TRPC5: variants seen among roughly 807,000 people sequenced by gnomAD.
TRPC5 encodes the protein transient receptor potential cation channel subfamily C member 5.
TRPC5 carries 9 observed loss-of-function variants against 56.5 expected under a neutral mutation model. The ratio of observed to expected loss-of-function variants is 0.16; its 90% confidence interval spans 0.10 to 0.28. The LOEUF is 0.28. TRPC5 is among the 10% of genes least tolerant of loss of function. The probability of loss-of-function intolerance (pLI) is 1.00; values close to 1 mark genes in which losing one functional copy is unlikely to be tolerated. For missense variants in TRPC5, 469 were observed against 748.9 expected (o/e 0.63, Z 4.36); for synonymous variants, 282 against 278.5 (o/e 1.01, Z -0.13).
chrX:111,822,437 C>T (rs1036196981), intron 7 of TRPC5, among the ~76,000 whole-genome samples: 17 of 112,145 alleles, frequency 1.5e-4, no homozygotes, highest in African/African-American at 5.5e-4. Context: ...TGTATGTTTG[C>T]TAATATATGC....
At chrX:111,823,054 A>G (rs760713886) in intron 7 of TRPC5, among the ~76,000 whole-genome samples, 1 of 112,352 alleles carries the variant, frequency 8.9e-6, no homozygotes, top group South Asian at 3.7e-4. Flanking sequence ...CACCAAAATC[A>G]TTAGCAGGTA....
At chrX:111,791,884 T>C (rs954638283) in intron 7 of TRPC5, among the ~76,000 whole-genome samples, 5 of 112,433 alleles carry the variant, frequency 4.4e-5, no homozygotes, top group Admixed American at 9.4e-5. Context: ...TTCAACCCTG[T>C]GGAAGACAGT....
intron 7 of TRPC5, among the ~76,000 whole-genome samples, chrX:111,831,551 G>T (rs1922407613): frequency 8.9e-6 from 1 of 112,020 alleles, no homozygotes; most frequent in African/African-American, 3.2e-5. Context: ...CAGTGGAAGA[G>T]TCCATTCATC....
intron 3 of TRPC5, among the ~76,000 whole-genome samples, chrX:111,906,668 A>G (rs1169914339): frequency 1.4e-5 from 1 of 71,405 alleles, no homozygotes; most frequent in Non-Finnish European, 3.2e-5. Context: ...TTGAAACTTA[A>G]GATGTGAATT....
At chrX:111,865,538 G>A (rs1200168122) in intron 3 of TRPC5, among the ~76,000 whole-genome samples, 3 of 109,145 alleles carry the variant, frequency 2.7e-5, no homozygotes, top group African/African-American at 1.0e-4. Context: ...ATGTTGGCCA[G>A]GATGGTCTTG....
chrX:111,889,905 A>C (rs1392073268), intron 3 of TRPC5, among the ~76,000 whole-genome samples: 1 of 111,056 alleles, frequency 9.0e-6, no homozygotes, highest in African/African-American at 3.3e-5. Context: ...TTTTCTTTTT[A>C]GTAGGGCTTT....
At chrX:111,917,686 G>C (rs1175083105) in intron 2 of TRPC5, among the ~76,000 whole-genome samples, 2 of 112,312 alleles carry the variant, frequency 1.8e-5, no homozygotes, top group Admixed American at 9.4e-5. Context: ...TTGAAACCAA[G>C]AGTGGACAGG....
At chrX:111,891,344 G>C (rs751786126) in intron 3 of TRPC5, among the ~76,000 whole-genome samples, 1 of 111,307 alleles carries the variant, frequency 9.0e-6, no homozygotes, top group Non-Finnish European at 1.9e-5. Context: ...CAATATATAA[G>C]CATTTCTTTT....
chrX:111,876,063 T>C (rs1449604621), intron 3 of TRPC5: 1 of 107,710 alleles, frequency 9.3e-6, no homozygotes, highest in African/African-American at 3.4e-5. Context: ...AAAAGACAAA[T>C]GTGGCAAACA....
At chrX:111,980,430 A>C (rs1280523379) in intron 1 of TRPC5, among the ~76,000 whole-genome samples, 2 of 111,119 alleles carry the variant, frequency 1.8e-5, no homozygotes, top group East Asian at 5.6e-4. Context: ...AACCCACCAA[A>C]TTTTACACTT....
intron 1 of TRPC5, among the ~76,000 whole-genome samples, chrX:111,989,603 A>T (rs1466484216): frequency 8.9e-6 from 1 of 112,120 alleles, no homozygotes; most frequent in Non-Finnish European, 1.9e-5. Flanking sequence ...CTCATCTTAG[A>T]TGTAGATTCT....
chrX:112,062,216 A>T (rs1930475345), intron 1 of TRPC5, among the ~76,000 whole-genome samples: 1 of 112,097 alleles, frequency 8.9e-6, no homozygotes, highest in Non-Finnish European at 1.9e-5. Context: ...TATAAAAATA[A>T]TTAAAATACA....
At chrX:111,920,330 A>G (rs1390535109) in intron 2 of TRPC5, among the ~76,000 whole-genome samples, 1 of 110,972 alleles carries the variant, frequency 9.0e-6, no homozygotes, top group Non-Finnish European at 1.9e-5. Context: ...CAGCACAGTA[A>G]TGGTTTAGTC....
chrX:112,014,131 AGGTGCTGCT>A (rs1203475403), intron 1 of TRPC5, among the ~76,000 whole-genome samples: 1 of 111,799 alleles, frequency 8.9e-6, no homozygotes, highest in Non-Finnish European at 1.9e-5. Context: ...ACAAGTTCCC[AGGTGCTGCT>A]GGTGCTGCTG....
intron 1 of TRPC5, among the ~76,000 whole-genome samples, chrX:112,038,101 C>G (rs1455420679): frequency 9.0e-6 from 1 of 111,462 alleles, no homozygotes; most frequent in African/African-American, 3.3e-5. Flanking sequence ...AAATCATAGT[C>G]TTCCACCAAG....
chrX:111,873,652 T>C (rs777323504), intron 3 of TRPC5, among the ~76,000 whole-genome samples: 174 of 109,947 alleles, frequency 1.6e-3, no homozygotes, highest in African/African-American at 5.5e-3. Flanking sequence ...GGTGTGGTGG[T>C]GAGTGCCTGT....
chrX:112,041,494 C>T (rs1929890416), intron 1 of TRPC5, among the ~76,000 whole-genome samples: 1 of 111,437 alleles, frequency 9.0e-6, no homozygotes, highest in Non-Finnish European at 1.9e-5. Flanking sequence ...CTCCATTTTA[C>T]AGAGGAGAGC....
intron 1 of TRPC5, among the ~76,000 whole-genome samples, chrX:111,984,398 C>G (rs540926832): frequency 4.5e-5 from 5 of 111,839 alleles, no homozygotes; most frequent in African/African-American, 1.6e-4. Context: ...GTAACACACT[C>G]AAATGAGAAC....
chrX:111,832,546 G>A (rs746974843), intron 7 of TRPC5, among the ~76,000 whole-genome samples: 2 of 111,946 alleles, frequency 1.8e-5, no homozygotes, highest in Non-Finnish European at 3.8e-5. Flanking sequence ...CTACTTTCTG[G>A]CCCTTACCAC....
Sources: allele counts gnomAD v4.1 joint callset (sites outside exome capture counted in the v4.1 genomes callset), GRCh38; gene constraint gnomAD v4.1.1; transcripts MANE v1.5; gene names NCBI Gene and HGNC (gene_info 2026-07-23, HGNC 2026-07-21).